Variants in DPP6 observed in about 807,000 individuals in gnomAD.
DPP6 encodes the protein dipeptidyl peptidase like 6.
DPP6 carries 69 observed loss-of-function variants against 122.6 expected under a neutral mutation model. That is an observed-to-expected ratio of 0.56 (90% CI 0.46 to 0.69). DPP6 has a LOEUF of 0.69. Among genes scored for constraint, DPP6 ranks in the 30% least tolerant of loss-of-function variants. The pLI, the probability that DPP6 is intolerant of heterozygous loss-of-function variation, is 0.00. For missense variants in DPP6, 928 were observed against 1,116.9 expected (o/e 0.83, Z 2.41); for synonymous variants, 418 against 433.1 (o/e 0.97, Z 0.43).
At chr7:154,814,216 G>A (rs1190292905) in intron 16 of DPP6, among the ~76,000 whole-genome samples, 1 of 152,058 alleles carries the variant, frequency 6.6e-6, no homozygotes, top group Non-Finnish European at 1.5e-5. Context: ...TATAACAGTT[G>A]ATGACTATGT....
At chr7:154,175,454 GT>G (rs1797750151) in intron 1 of DPP6, among the ~76,000 whole-genome samples, 1 of 151,958 alleles carries the variant, frequency 6.6e-6, no homozygotes, top group South Asian at 2.1e-4. Context: ...TCGGAAGCAG[GT>G]TTTCCCCCCA....
intron 1 of DPP6, among the ~76,000 whole-genome samples, chr7:154,327,677 T>C (rs1808569070): frequency 6.6e-6 from 1 of 152,164 alleles, no homozygotes; most frequent in Non-Finnish European, 1.5e-5. Context: ...TTTCCTATAC[T>C]AACCCCCACC....
chr7:153,866,806 C>A, the DPP6 span, among the ~76,000 whole-genome samples: 1 of 152,038 alleles, frequency 6.6e-6, no homozygotes, highest in South Asian at 2.1e-4. Flanking sequence ...GTCTTTAATC[C>A]ATCTTGAATT....
intron 3 of DPP6, among the ~76,000 whole-genome samples, chr7:154,520,781 G>A (rs1169640296): frequency 1.3e-5 from 2 of 152,222 alleles, no homozygotes; most frequent in African/African-American, 2.4e-5. Context: ...CTTGCGTCTA[G>A]TAAGACCTCC....
At chr7:154,703,345 A>G (rs758207213) in intron 7 of DPP6, among the ~76,000 whole-genome samples, 2 of 152,234 alleles carry the variant, frequency 1.3e-5, no homozygotes, top group Non-Finnish European at 2.9e-5. Context: ...CATGGCTGGC[A>G]TGGCGGCTCA....
chr7:154,530,392 C>A (rs1359747674), intron 3 of DPP6, among the ~76,000 whole-genome samples: 2 of 152,036 alleles, frequency 1.3e-5, no homozygotes, highest in African/African-American at 4.8e-5. Context: ...ACAGCTCAAT[C>A]TAAAGCACAT....
chr7:153,913,932 A>G (rs1342687554), intron 1 of DPP6, among the ~76,000 whole-genome samples: 3 of 152,214 alleles, frequency 2.0e-5, no homozygotes, highest in African/African-American at 7.2e-5. Context: ...AATGCCAAGA[A>G]ACTGCTTGCT....
chr7:154,506,696 A>G (rs1361946983), intron 3 of DPP6, among the ~76,000 whole-genome samples: 2 of 152,174 alleles, frequency 1.3e-5, no homozygotes, highest in African/African-American at 4.8e-5. Flanking sequence ...ATGATGACCC[A>G]TATTATCTGA....
At position 154,885,798 on chromosome 7, in the gene DPP6, C is replaced by A. The variant is rs551375898; in HGVS notation, c.2245+54C>A. On this transcript the variant is annotated intron_variant, in intron 22 of 25. Coordinates refer to ENST00000377770, the MANE Select transcript of DPP6 (RefSeq NM_130797.4). ...GGCTCTGCTCCCGCCCCGCCCCGCC[C>A]CCTGCCTGCGTGGCCCCACAGCCCT... is the stretch of plus-strand genomic sequence containing the variant. The A allele has an allele frequency of 1.1e-4, 177 of 1,546,612 alleles. No individual in the cohort carries two copies. In the African/African-American group the frequency reaches 2.0e-3, roughly 18 times the overall value.
At chr7:154,806,359 A>G (rs1433231202) in intron 15 of DPP6, among the ~76,000 whole-genome samples, 1 of 152,176 alleles carries the variant, frequency 6.6e-6, no homozygotes, top group Non-Finnish European at 1.5e-5. Context: ...TAGGGAGCAC[A>G]TTTTAGGCCT....
intron 1 of DPP6, among the ~76,000 whole-genome samples, chr7:154,335,777 A>G (rs916433304): frequency 1.3e-5 from 2 of 152,104 alleles, no homozygotes; most frequent in African/African-American, 4.8e-5. Context: ...ACATCAATAC[A>G]TTAGCAAAAC....
Position 154,092,188 on chromosome 7 carries a change from T to C in DPP6, c.243+39125T>C, listed in dbSNP as rs1324391027. 2.6e-5 allele frequency: 4 copies of C among 152,222 alleles called. No homozygotes were observed. The East Asian group carries it at 7.7e-4, about 29-fold the overall frequency. 9.4% of individuals were successfully genotyped at this position (152,222 alleles called of 1,614,324 possible). A position where few individuals can be genotyped will look rare whatever the true frequency, so the allele number is the denominator to read the frequency against. On this transcript the variant is annotated intron_variant, in intron 1 of 25. Transcript: ENST00000377770. ...GACCTGTTTATATCCTTTACTCAGATGACCAATTGTTTACATTTTGCTCCA... is the reference window on the plus strand; with the variant it reads ...GACCTGTTTATATCCTTTACTCAGACGACCAATTGTTTACATTTTGCTCCA...
At chr7:153,974,429 G>T (rs1796193942) in intron 1 of DPP6, among the ~76,000 whole-genome samples, 1 of 152,166 alleles carries the variant, frequency 6.6e-6, no homozygotes, top group African/African-American at 2.4e-5. Context: ...CCCCAAAAAA[G>T]AAGGGTTTGG....
At chr7:154,750,376 C>T (rs1027215100) in intron 8 of DPP6, among the ~76,000 whole-genome samples, 7 of 152,358 alleles carry the variant, frequency 4.6e-5, no homozygotes, top group African/African-American at 1.7e-4. Context: ...GCCGCCTGTG[C>T]CGGAGCAGGC....
At chr7:154,015,160 A>G (rs534601093) in intron 1 of DPP6, among the ~76,000 whole-genome samples, 189 of 152,058 alleles carry the variant, frequency 1.2e-3, no homozygotes, top group African/African-American at 4.4e-3. Flanking sequence ...CACCACTTTT[A>G]TGGCCTTTAT....
intron 1 of DPP6, among the ~76,000 whole-genome samples, chr7:154,124,969 G>A (rs1293092542): frequency 6.6e-6 from 1 of 152,242 alleles, no homozygotes; most frequent in Non-Finnish European, 1.5e-5. Flanking sequence ...AGGGCCCTTA[G>A]AGATCCCAAC....
At chr7:154,078,472 G>C (rs1328051190) in intron 1 of DPP6, among the ~76,000 whole-genome samples, 1 of 151,982 alleles carries the variant, frequency 6.6e-6, no homozygotes, top group Non-Finnish European at 1.5e-5. Context: ...AATCTTGAAA[G>C]TGTCTTAGAT....
chr7:154,013,458 CT>C (rs776460630), intron 1 of DPP6, among the ~76,000 whole-genome samples: 4,236 of 127,250 alleles, frequency 0.033, 207 homozygotes, highest in African/African-American at 0.11. Context: ...GGTTTCTTTT[CT>C]TTTTTTTTTT....
At chr7:153,871,608 G>T in the DPP6 span, among the ~76,000 whole-genome samples, 1 of 152,180 alleles carries the variant, frequency 6.6e-6, no homozygotes, top group Non-Finnish European at 1.5e-5. Flanking sequence ...CCTGGGTGAG[G>T]CGATGCCTTG....
Sources: allele counts gnomAD v4.1 joint callset (sites outside exome capture counted in the v4.1 genomes callset), GRCh38; gene constraint gnomAD v4.1.1; transcripts MANE v1.5; gene names NCBI Gene and HGNC (gene_info 2026-07-23, HGNC 2026-07-21).